Variants in MTMR8 observed in about 807,000 individuals in gnomAD.
MTMR8 encodes the protein phosphatidylinositol-3,5-bisphosphate 3-phosphatase MTMR8.
Under a neutral mutation model 39.3 loss-of-function variants are expected in MTMR8, and 65 were observed. The ratio of observed to expected loss-of-function variants is 1.65; its 90% CI spans 1.35 to 2.03. The LOEUF (loss-of-function observed/expected upper bound fraction) is 2.03, where lower values mean the gene tolerates loss of function less well. Ranked by LOEUF, MTMR8 falls within the 30% of genes most tolerant of loss-of-function variation. The pLI, the probability that MTMR8 is intolerant of heterozygous loss-of-function variation, is 0.00. For synonymous variants in MTMR8, 245 were observed against 185.2 expected, an observed-to-expected ratio of 1.32 and a Z score of -2.62; for missense variants, 777 against 538.9, an observed-to-expected ratio of 1.44 and a Z score of -4.37.
chrX:64,384,713 CT>C (rs1193188413), intron 1 of MTMR8, among the ~76,000 whole-genome samples: 1 of 112,517 alleles, frequency 8.9e-6, no homozygotes. Flanking sequence ...GAACCAGTGT[CT>C]TAAGGATGCC....
intron 12 of MTMR8, among the ~76,000 whole-genome samples, chrX:64,326,354 A>G (rs768119565): frequency 8.9e-6 from 1 of 112,055 alleles, no homozygotes; most frequent in Non-Finnish European, 1.9e-5. Context: ...AAACAAATTC[A>G]GTAAAGTTGC....
intron 12 of MTMR8, 94 bp downstream of exon 12, chrX:64,328,678 C>T (rs1922861259): frequency 1.1e-6 from 1 of 904,247 alleles, no homozygotes; most frequent in Non-Finnish European, 1.5e-6. Flanking sequence ...CATAGCCAGG[C>T]TTGTACAGAT....
At chrX:64,382,246 T>C (rs908853914) in intron 1 of MTMR8, among the ~76,000 whole-genome samples, 1 of 112,074 alleles carries the variant, frequency 8.9e-6, no homozygotes, top group Admixed American at 9.4e-5. Flanking sequence ...CATGGAATGT[T>C]CTTCCATTTG....
intron 12 of MTMR8, among the ~76,000 whole-genome samples, chrX:64,277,436 C>T (rs753245433): frequency 2.2e-4 from 25 of 111,806 alleles, no homozygotes; most frequent in African/African-American, 8.1e-4. Flanking sequence ...GTAAGGCAGG[C>T]CTGGTGGTGA....
intron 4 of MTMR8, among the ~76,000 whole-genome samples, chrX:64,351,136 G>T (rs1028285087): frequency 1.8e-5 from 2 of 111,008 alleles, no homozygotes; most frequent in African/African-American, 6.6e-5. Context: ...AGCTTAGAAG[G>T]TTATACACAT....
intron 1 of MTMR8, 129 bp from the exon 2 acceptor site, chrX:64,359,656 G>A: frequency 1.6e-6 from 1 of 630,034 alleles, no homozygotes; most frequent in Non-Finnish European, 2.4e-6. Flanking sequence ...TCCTGCCAAG[G>A]TGGCAAACTA....
At chrX:64,270,309 C>T (rs1388786744) in intron 13 of MTMR8, among the ~76,000 whole-genome samples, 1 of 112,097 alleles carries the variant, frequency 8.9e-6, no homozygotes, top group Non-Finnish European at 1.9e-5. Flanking sequence ...CCTTATCTGG[C>T]TTAAAGTGGG....
intron 1 of MTMR8, among the ~76,000 whole-genome samples, chrX:64,366,197 C>T (rs749122614): frequency 1.3e-4 from 14 of 111,432 alleles, no homozygotes; most frequent in South Asian, 3.8e-4. Flanking sequence ...GACAGATCAA[C>T]GAGACAGAAG....
At chrX:64,328,576 G>A (rs780474430) in intron 12 of MTMR8, among the ~76,000 whole-genome samples, 196 bp downstream of exon 12, 83 of 111,421 alleles carry the variant, frequency 7.4e-4, no homozygotes, top group African/African-American at 2.6e-3. Context: ...CCCTAAGCAG[G>A]TAACAGCAAA....
intron 2 of MTMR8, among the ~76,000 whole-genome samples, chrX:64,358,690 G>T (rs1166188318): frequency 1.8e-5 from 2 of 111,203 alleles, no homozygotes; most frequent in African/African-American, 3.3e-5. Context: ...CTTATAAATG[G>T]AGAGGTCTAA....
At chrX:64,356,774 C>T (rs1923636612) in intron 2 of MTMR8, among the ~76,000 whole-genome samples, 1 of 110,575 alleles carries the variant, frequency 9.0e-6, no homozygotes, top group Non-Finnish European at 1.9e-5. Flanking sequence ...TAGTCCATGA[C>T]CATTAGCTAT....
Position 64,329,415 on chromosome X carries a change from G to T in MTMR8, c.1353-515C>A, listed in dbSNP as rs897478491. ...AGCCAGCTACTTCTCCCTTCAGAAG[G>T]TTTAAGACAGTGAAAGACAATTGGA... On this transcript the variant is annotated intron_variant, in intron 11 of 13. Coordinates refer to ENST00000374852, the MANE Select transcript of MTMR8 (RefSeq NM_017677.4). 2.7e-5 allele frequency among the ~76,000 whole-genome samples: 3 copies of T among 111,633 alleles called. No individual in the cohort carries two copies. In the East Asian group the frequency reaches 8.4e-4, roughly 31 times the overall value.
At chrX:64,289,754 G>A (rs914502378) in intron 12 of MTMR8, among the ~76,000 whole-genome samples, 36 of 109,280 alleles carry the variant, frequency 3.3e-4, no homozygotes, top group African/African-American at 1.2e-3. Context: ...GCAACCCAAC[G>A]TCCACTGCCA....
intron 1 of MTMR8, among the ~76,000 whole-genome samples, chrX:64,361,521 G>A (rs1156733010): frequency 1.8e-5 from 2 of 110,895 alleles, no homozygotes; most frequent in Non-Finnish European, 3.8e-5. Flanking sequence ...AAAGCATGGG[G>A]AGTTCAACAT....
intron 1 of MTMR8, among the ~76,000 whole-genome samples, chrX:64,376,592 A>C (rs986201292): frequency 1.5e-4 from 17 of 112,265 alleles, no homozygotes; most frequent in African/African-American, 4.9e-4. Flanking sequence ...GGCTGCCTCT[A>C]ACAGCATACG....
At chrX:64,385,852 A>C (rs1469275798) in intron 1 of MTMR8, among the ~76,000 whole-genome samples, 1 of 111,620 alleles carries the variant, frequency 9.0e-6, no homozygotes, top group African/African-American at 3.3e-5. Context: ...ATTCAACTTG[A>C]GACTTGGTGG....
chrX:64,360,416 A>T (rs1277955490), intron 1 of MTMR8: 2 of 305,513 alleles, frequency 6.5e-6, no homozygotes, highest in South Asian at 6.1e-5. Flanking sequence ...AATCAAATGA[A>T]GATACGGAAC....
intron 1 of MTMR8, among the ~76,000 whole-genome samples, chrX:64,364,031 G>A (rs752694038): frequency 1.9e-5 from 2 of 102,717 alleles, no homozygotes; most frequent in African/African-American, 7.3e-5. Flanking sequence ...CAGCCTGGCA[G>A]GGGGAGGGGT....
At chrX:64,385,210 A>G (rs933324289) in intron 1 of MTMR8, among the ~76,000 whole-genome samples, 16 of 112,262 alleles carry the variant, frequency 1.4e-4, no homozygotes, top group Non-Finnish European at 2.8e-4. Flanking sequence ...ACATGTGACT[A>G]TTGCTCTAGT....
Sources: allele counts gnomAD v4.1 joint callset (sites outside exome capture counted in the v4.1 genomes callset), GRCh38; gene constraint gnomAD v4.1.1; transcripts MANE v1.5; gene names NCBI Gene and HGNC (gene_info 2026-07-23, HGNC 2026-07-21).